Variants in CRACR2A observed in about 807,000 individuals in gnomAD.
CRACR2A encodes the protein EF-hand calcium-binding domain-containing protein 4B.
CRACR2A carries 79 observed loss-of-function variants against 90.5 expected under a neutral mutation model. The observed-to-expected ratio is 0.87, with a 90% CI of 0.73 to 1.05. CRACR2A has a LOEUF of 1.05. Among genes scored for constraint, CRACR2A ranks in the 50% least tolerant of loss-of-function variants. The pLI is 0.00. For missense variants in CRACR2A, 823 were observed against 897.2 expected (o/e 0.92, Z 1.06); for synonymous variants, 338 against 356.7 (o/e 0.95, Z 0.59).
At chr12:3,706,523 C>T (rs1329264101) in intron 3 of CRACR2A, among the ~76,000 whole-genome samples, 1 of 152,192 alleles carries the variant, frequency 6.6e-6, no homozygotes, top group African/African-American at 2.4e-5. Context: ...ATGACTCTGG[C>T]AAGTTTCTTA....
At chr12:3,670,219 G>A (rs562129899) in intron 7 of CRACR2A, among the ~76,000 whole-genome samples, 24 of 152,278 alleles carry the variant, frequency 1.6e-4, no homozygotes, top group African/African-American at 4.6e-4. Context: ...TGCAGCAGTC[G>A]TGACTTGAGC....
intron 14 of CRACR2A, 74 bp downstream of exon 14, chr12:3,638,050 G>A (rs923283391): frequency 1.1e-5 from 16 of 1,415,152 alleles, no homozygotes; most frequent in East Asian, 5.0e-5. Flanking sequence ...CTGCCTCTCC[G>A]GGCGCTTGGC....
At position 3,638,338 on chromosome 12, in the gene CRACR2A, G is replaced by A. The variant is rs917707075; in HGVS notation, c.1388C>T (p.Pro463Leu). The A allele has an allele frequency of 3.0e-5, 46 of 1,551,404 alleles. No individual in the cohort carries two copies. In the Middle Eastern group the frequency reaches 6.7e-4, roughly 22 times the overall value. Residue 463 changes from proline (P) to leucine (L), a missense_variant, in exon 14 of 20, where the codon CCG becomes CTG. Transcript: ENST00000440314. ...GATTCTGCGGAGCGGCCGGGGGTAC[G>A]GACCCCCAGGCCCTGGCTCCCCGGT... ...PGTGEPGPGGPYPRPLRRIIS... is the reference protein window; with the variant it reads ...PGTGEPGPGGLYPRPLRRIIS...
intron 1 of CRACR2A, among the ~76,000 whole-genome samples, chr12:3,745,825 T>TAACATAACATAACATAACATAACATA (rs1555123102): frequency 1.0e-5 from 1 of 100,486 alleles, no homozygotes. Flanking sequence ...TAAAATAAAA[T>TAACATAACATAACATAACATAACATA]AAAGAAAGAA....
chr12:3,663,263 C>T (rs569860670), intron 7 of CRACR2A, among the ~76,000 whole-genome samples: 2 of 151,914 alleles, frequency 1.3e-5, no homozygotes, highest in East Asian at 1.9e-4. Flanking sequence ...ATACTAGATA[C>T]CATGGGAGTT....
chr12:3,678,037 G>A (rs188042060), intron 6 of CRACR2A, among the ~76,000 whole-genome samples: 14 of 152,270 alleles, frequency 9.2e-5, no homozygotes, highest in South Asian at 6.2e-4. Context: ...AATGTCAGCT[G>A]TAATCAGTAG....
Position 3,644,517 on chromosome 12 carries a change from C to T in CRACR2A, c.1164+78G>A, listed in dbSNP as rs369385513. ...CCCGAGTGTCAGGACATTGCTGGGCCAGTCTCGACATGGATCTGGCTGTCC... is the reference window on the plus strand; with the variant it reads ...CCCGAGTGTCAGGACATTGCTGGGCTAGTCTCGACATGGATCTGGCTGTCC... On this transcript the variant is annotated intron_variant, in intron 12 of 19. Coordinates refer to ENST00000440314, the MANE Select transcript of CRACR2A (RefSeq NM_001144958.2). 172 of 1,408,978 alleles carry T rather than the reference C, an allele frequency of 1.2e-4. No individual in the cohort carries two copies. The African/African-American group carries it at 2.2e-3, about 18-fold the overall frequency. 87.3% of individuals were successfully genotyped at this position (1,408,978 alleles called of 1,614,324 possible). A position where few individuals can be genotyped will look rare whatever the true frequency, so the allele number is the denominator to read the frequency against.
chr12:3,692,940 TGG>T (rs1305522388), intron 4 of CRACR2A, among the ~76,000 whole-genome samples: 1 of 152,150 alleles, frequency 6.6e-6, no homozygotes, highest in Non-Finnish European at 1.5e-5. Context: ...TTCACTTCTG[TGG>T]CAGTGTTGGC....
At chr12:3,617,491 A>G (rs1433666837) in intron 18 of CRACR2A, among the ~76,000 whole-genome samples, 1 of 152,190 alleles carries the variant, frequency 6.6e-6, no homozygotes, top group Non-Finnish European at 1.5e-5. Flanking sequence ...TCCTTGCAGC[A>G]TGCTTTTCCC....
intron 10 of CRACR2A, among the ~76,000 whole-genome samples, chr12:3,653,346 C>T (rs1314453582): frequency 2.6e-5 from 4 of 152,176 alleles, no homozygotes; most frequent in Non-Finnish European, 5.9e-5. Context: ...ATATTGAATG[C>T]CCAGCACGGT....
intron 14 of CRACR2A, among the ~76,000 whole-genome samples, chr12:3,634,600 G>A (rs539825234): frequency 7.2e-5 from 11 of 152,330 alleles, no homozygotes; most frequent in Admixed American, 2.0e-4. Flanking sequence ...AGGAGCTGCC[G>A]CTCAAACGCA....
chr12:3,656,689 G>A (rs1387665054), intron 8 of CRACR2A, among the ~76,000 whole-genome samples: 1 of 152,194 alleles, frequency 6.6e-6, no homozygotes, highest in Non-Finnish European at 1.5e-5. Flanking sequence ...CGCCAAAAAA[G>A]GGGCAGTGTC....
intron 11 of CRACR2A, 22 bp from the exon 12 acceptor site, chr12:3,644,662 C>T (rs1465479416): frequency 6.4e-7 from 1 of 1,551,222 alleles, no homozygotes; most frequent in Non-Finnish European, 8.7e-7. Flanking sequence ...AAAGGGGAAT[C>T]TATTCAAACA....
chr12:3,680,135 G>A (rs1945417635), intron 5 of CRACR2A, 103 bp downstream of exon 5: 2 of 903,100 alleles, frequency 2.2e-6, no homozygotes, highest in Non-Finnish European at 3.5e-6. Flanking sequence ...GGGCAGGAAA[G>A]CTTTACTACC....
At chr12:3,643,766 ATATATATATAGTT>A (rs1565470764) in intron 12 of CRACR2A, among the ~76,000 whole-genome samples, 1 of 37,222 alleles carries the variant, frequency 2.7e-5, no homozygotes, top group Non-Finnish European at 4.4e-5. Flanking sequence ...CACACAGACT[ATATATATATAGTT>A]TATATATATA....
intron 2 of CRACR2A, among the ~76,000 whole-genome samples, chr12:3,715,931 A>C (rs1016411417): frequency 2.0e-5 from 3 of 152,152 alleles, no homozygotes; most frequent in African/African-American, 7.2e-5. Context: ...GAAGGAGCAA[A>C]ATCAGAACTG....
Position 3,654,222 on chromosome 12 carries a change from C to A in CRACR2A, c.1036G>T (p.Glu346Ter). 1 of 1,612,460 alleles carries A rather than the reference C, an allele frequency of 6.2e-7. No homozygotes were observed. The change falls in exon 10 of 20, where the codon GAG (glutamate) becomes TAG (stop). Residue 346 changes from glutamate (E) to a stop codon, truncating the protein, a stop_gained. Coordinates refer to ENST00000440314, the MANE Select transcript of CRACR2A (RefSeq NM_001144958.2). LOFTEE classifies it high-confidence loss of function. ...AAAGGCTGGACTCACATCTCCTTCTCTTGGTGGAGTTTGCAGGCCTCTTGC... is the reference window on the plus strand; with the variant it reads ...AAAGGCTGGACTCACATCTCCTTCTATTGGTGGAGTTTGCAGGCCTCTTGC... ...LQQEACKLHQ[E>*]KEMEVYRVTE... is the part of the protein sequence containing the mutation.
At chr12:3,701,438 A>T (rs1945832074) in intron 3 of CRACR2A, among the ~76,000 whole-genome samples, 3 of 152,204 alleles carry the variant, frequency 2.0e-5, no homozygotes, top group Admixed American at 2.0e-4. Flanking sequence ...TGAGAAGATT[A>T]ATAAAGAGAC....
At chr12:3,617,693 A>G (rs1867717088) in intron 18 of CRACR2A, among the ~76,000 whole-genome samples, 1 of 152,234 alleles carries the variant, frequency 6.6e-6, no homozygotes, top group Non-Finnish European at 1.5e-5. Context: ...AAGGCTCATC[A>G]TATTCCATTG....
Sources: gnomAD v4.1 joint callset for allele counts (sites outside exome capture counted in the v4.1 genomes callset) on GRCh38, gnomAD v4.1.1 for gene constraint, MANE v1.5 for transcripts, NCBI Gene and HGNC (gene_info 2026-07-23, HGNC 2026-07-21) for gene names.